HEATR5B: variants seen among roughly 807,000 people sequenced by gnomAD.
The protein encoded by HEATR5B is HEAT repeat containing 5B, also known as HEAT repeat-containing protein 5B.
Under a neutral mutation model 224.1 loss-of-function variants are expected in HEATR5B, and 156 were observed. The observed-to-expected ratio is 0.70, with a 90% confidence interval of 0.61 to 0.80. The LOEUF is 0.80. Ranked by LOEUF, HEATR5B falls within the 30% of genes least tolerant of loss-of-function variation. HEATR5B has a pLI of 0.00. For missense variants in HEATR5B, 2,323 were observed against 2,535.5 expected, an observed-to-expected ratio of 0.92 and a Z score of 1.80; for synonymous variants, 1,027 against 893.0, an observed-to-expected ratio of 1.15 and a Z score of -2.68.
intron 24 of HEATR5B, among the ~76,000 whole-genome samples, chr2:37,022,496 T>C (rs868797630): frequency 2.0e-5 from 3 of 152,264 alleles, no homozygotes; most frequent in Middle Eastern, 3.4e-3. Context: ...ATTATCTCCA[T>C]TGCAACTACT....
chr2:37,068,464 C>A (rs1168458827), intron 8 of HEATR5B, among the ~76,000 whole-genome samples: 1 of 152,104 alleles, frequency 6.6e-6, no homozygotes, highest in African/African-American at 2.4e-5. Flanking sequence ...AGAAATAAAA[C>A]AGAAAACACA....
intron 6 of HEATR5B, among the ~76,000 whole-genome samples, chr2:37,070,773 C>G (rs965516866): frequency 3.9e-5 from 6 of 152,084 alleles, no homozygotes; most frequent in African/African-American, 1.4e-4. Flanking sequence ...CAGTAGTTAC[C>G]AATAGATTAA....
At chr2:37,030,226 G>A (rs1013565556) in intron 22 of HEATR5B, among the ~76,000 whole-genome samples, 7 of 152,014 alleles carry the variant, frequency 4.6e-5, no homozygotes, top group Admixed American at 3.3e-4. Context: ...ACAGAATAAG[G>A]GGAGGTTTGA....
intron 10 of HEATR5B, among the ~76,000 whole-genome samples, chr2:37,062,421 C>T (rs1244834923): frequency 6.6e-6 from 1 of 152,074 alleles, no homozygotes; most frequent in Admixed American, 6.6e-5. Context: ...CAGAGCGAGA[C>T]TCCGTCTCCA....
intron 21 of HEATR5B, among the ~76,000 whole-genome samples, chr2:37,037,257 T>C (rs530893978): frequency 6.7e-6 from 1 of 150,360 alleles, no homozygotes; most frequent in East Asian, 2.0e-4. Flanking sequence ...GCGATTCTCC[T>C]GCCTCAGCCT....
At chr2:36,991,227 A>C (rs1053753659) in intron 33 of HEATR5B, among the ~76,000 whole-genome samples, 5 of 152,156 alleles carry the variant, frequency 3.3e-5, no homozygotes, top group Non-Finnish European at 7.3e-5. Context: ...TAAATTCCAT[A>C]TAACCATTAA....
At chr2:37,023,054 A>G (rs1046133571) in intron 24 of HEATR5B, among the ~76,000 whole-genome samples, 34 of 152,198 alleles carry the variant, frequency 2.2e-4, no homozygotes, top group African/African-American at 6.8e-4. Context: ...GCTATTATCA[A>G]TATGTTTCCT....
intron 35 of HEATR5B, among the ~76,000 whole-genome samples, chr2:36,984,135 G>T (rs1665769266): frequency 7.2e-6 from 1 of 139,022 alleles, no homozygotes; most frequent in South Asian, 2.3e-4. Flanking sequence ...GGGAGGCGGA[G>T]GTTGCAGTGA....
intron 34 of HEATR5B, 47 bp downstream of exon 34, chr2:36,990,601 G>A: frequency 3.5e-6 from 5 of 1,436,464 alleles, no homozygotes; most frequent in Non-Finnish European, 3.7e-6. Context: ...ACATTTTCCT[G>A]ATAAAGGGAA....
At chr2:36,994,868 A>C (rs890157675) in intron 33 of HEATR5B, among the ~76,000 whole-genome samples, 2 of 151,350 alleles carry the variant, frequency 1.3e-5, no homozygotes, top group African/African-American at 4.9e-5. Flanking sequence ...CTCCTGCCTC[A>C]GCCTCCTGAG....
chr2:37,000,011 CAA>C (rs1464316988), intron 33 of HEATR5B, among the ~76,000 whole-genome samples: 2 of 150,768 alleles, frequency 1.3e-5, no homozygotes, highest in African/African-American at 4.9e-5. Context: ...GACTTTGTCT[CAA>C]AAAAACAAAA....
chr2:37,071,292 G>T (rs926246185), intron 6 of HEATR5B, among the ~76,000 whole-genome samples: 1 of 152,160 alleles, frequency 6.6e-6, no homozygotes, highest in Non-Finnish European at 1.5e-5. Flanking sequence ...TGATACAGAG[G>T]TGGGGTAGAG....
chr2:37,081,135 T>C (rs978510563), intron 2 of HEATR5B, among the ~76,000 whole-genome samples: 1 of 152,174 alleles, frequency 6.6e-6, no homozygotes, highest in African/African-American at 2.4e-5. Flanking sequence ...ACAAGTGCTG[T>C]TTCAGTGGAG....
At chr2:37,021,697 G>A (rs540307430) in intron 24 of HEATR5B, among the ~76,000 whole-genome samples, 30 of 152,052 alleles carry the variant, frequency 2.0e-4, no homozygotes, top group African/African-American at 6.3e-4. Flanking sequence ...AGACCAGTCT[G>A]GGAAACATGG....
chr2:37,071,676 G>A (rs1385984078), intron 6 of HEATR5B, among the ~76,000 whole-genome samples: 2 of 150,392 alleles, frequency 1.3e-5, no homozygotes, highest in East Asian at 3.9e-4. Flanking sequence ...TGCCATTTGG[G>A]TTCTTTTTTT....
At chr2:37,042,068 T>G (rs1669906350) in intron 18 of HEATR5B, among the ~76,000 whole-genome samples, 1 of 152,022 alleles carries the variant, frequency 6.6e-6, no homozygotes. Context: ...TTAAATGAAT[T>G]CAAATACATA....
intron 2 of HEATR5B, 42 bp downstream of exon 2, chr2:37,083,247 T>G (rs747971643): frequency 1.2e-6 from 2 of 1,609,062 alleles, no homozygotes; most frequent in African/African-American, 2.7e-5. Context: ...CCACATAATC[T>G]CTTCACGTTA....
chr2:37,057,934 A>G (rs1308142664), intron 14 of HEATR5B, among the ~76,000 whole-genome samples: 2 of 152,238 alleles, frequency 1.3e-5, no homozygotes, highest in Admixed American at 6.5e-5. Context: ...ACAATGAACC[A>G]CAGCACACCA....
intron 33 of HEATR5B, among the ~76,000 whole-genome samples, chr2:36,994,671 C>T (rs1183124508): frequency 4.0e-5 from 6 of 151,024 alleles, no homozygotes; most frequent in African/African-American, 1.5e-4. Flanking sequence ...CATATCAAAA[C>T]TTTCCCTTAA....
Sources: gnomAD v4.1 joint callset for allele counts (sites outside exome capture counted in the v4.1 genomes callset) on GRCh38, gnomAD v4.1.1 for gene constraint, MANE v1.5 for transcripts, NCBI Gene and HGNC (gene_info 2026-07-23, HGNC 2026-07-21) for gene names.